The following SOX5 variants were observed in gnomAD, a reference collection of about 807,000 sequenced individuals.
The protein encoded by SOX5 is SRY-box transcription factor 5.
Under a neutral mutation model 92.0 loss-of-function variants are expected in SOX5, and 9 were observed. The observed-to-expected ratio is 0.10, with a 90% CI of 0.06 to 0.17. The LOEUF (loss-of-function observed/expected upper bound fraction) is 0.17, where lower values mean the gene tolerates loss of function less well. Among genes scored for constraint, SOX5 ranks in the 10% least tolerant of loss-of-function variants. The pLI, the probability that SOX5 is intolerant of heterozygous loss-of-function variation, is 1.00. For synonymous variants in SOX5, 344 were observed against 336.3 expected (o/e 1.02, Z -0.25); for missense variants, 642 against 944.5 (o/e 0.68, Z 4.20).
intron 2 of SOX5, among the ~76,000 whole-genome samples, chr12:23,886,505 G>A (rs2097067703): frequency 1.3e-5 from 2 of 151,942 alleles, no homozygotes; most frequent in Admixed American, 1.3e-4. Context: ...CTAGTTTCTA[G>A]AAATCAGGCA....
At chr12:23,884,900 T>A (rs2097046391) in intron 2 of SOX5, among the ~76,000 whole-genome samples, 1 of 152,234 alleles carries the variant, frequency 6.6e-6, no homozygotes, top group South Asian at 2.1e-4. Flanking sequence ...TATCTTATTC[T>A]GAGGAGCACT....
At chr12:24,093,397 C>G (rs1440259663) in intron 4 of SOX5, among the ~76,000 whole-genome samples, 5 of 151,962 alleles carry the variant, frequency 3.3e-5, no homozygotes, top group African/African-American at 1.2e-4. Flanking sequence ...GTGGCGGGCG[C>G]CTGTAGTCCC....
chr12:24,351,714 A>T (rs184115129), intron 2 of SOX5, among the ~76,000 whole-genome samples: 151 of 152,376 alleles, frequency 9.9e-4, no homozygotes, highest in Admixed American at 2.0e-3. Context: ...CCATTACATG[A>T]ATACAATGGA....
intron 8 of SOX5, among the ~76,000 whole-genome samples, chr12:23,620,866 T>C (rs1464658651): frequency 2.0e-5 from 3 of 152,128 alleles, no homozygotes; most frequent in African/African-American, 7.2e-5. Context: ...ATTTAATAAA[T>C]ATTTATTGGG....
intron 3 of SOX5, among the ~76,000 whole-genome samples, chr12:23,791,450 A>T (rs1352516492): frequency 1.3e-5 from 2 of 152,188 alleles, no homozygotes; most frequent in African/African-American, 4.8e-5. Context: ...AGCATGTGCC[A>T]CTGCACGGGC....
intron 3 of SOX5, among the ~76,000 whole-genome samples, chr12:24,226,613 C>A (rs988724711): frequency 2.0e-5 from 3 of 151,952 alleles, no homozygotes; most frequent in Non-Finnish European, 4.4e-5. Context: ...TGGGATTACA[C>A]GCACCCGCCA....
chr12:24,438,795 T>G (rs146920400), intron 1 of SOX5, among the ~76,000 whole-genome samples: 2 of 152,226 alleles, frequency 1.3e-5, no homozygotes, highest in Non-Finnish European at 2.9e-5. Flanking sequence ...GAGTTGCTTC[T>G]TATAGATGAA....
rs188098795 is a variant in SOX5 at position 24,286,119 on chromosome 12, A to T, written c.-173-8807T>A. On this transcript the variant is annotated intron_variant, in intron 2 of 4. Coordinates refer to the SOX5 transcript ENST00000446891. ...ACAGAAGAAAACATTTGCTTTAAGG[A>T]TAATTCACAAGACCTTGCAATGTTT... Among the ~76,000 whole-genome samples, 6 of 152,354 alleles carry T rather than the reference A, an allele frequency of 3.9e-5. No individual in the cohort carries two copies. The East Asian group carries it at 1.2e-3, about 29-fold the overall frequency.
chr12:24,479,541 T>C (rs1945745124), intron 1 of SOX5, among the ~76,000 whole-genome samples: 1 of 152,222 alleles, frequency 6.6e-6, no homozygotes, highest in African/African-American at 2.4e-5. Flanking sequence ...ATGTGGAATG[T>C]TTCTCCAAAT....
chr12:24,364,282 A>G (rs528484402), intron 2 of SOX5, among the ~76,000 whole-genome samples: 2 of 152,108 alleles, frequency 1.3e-5, no homozygotes, highest in African/African-American at 4.8e-5. Context: ...TGTTTTTACA[A>G]TTCACATCTG....
At chr12:23,695,940 C>CAA (rs71059917) in intron 6 of SOX5, among the ~76,000 whole-genome samples, 2,180 of 11,882 alleles carry the variant, frequency 0.18, 615 homozygotes, top group Non-Finnish European at 0.25. Flanking sequence ...GACTCTGTCT[C>CAA]AAAAAAAAAA....
rs61366137 is a variant in SOX5 at position 23,703,727 on chromosome 12, G to GACACACACACAC, written c.810+30945_810+30956dup. Among the ~76,000 whole-genome samples, 697 of 148,816 alleles carry GACACACACACAC rather than the reference G, an allele frequency of 4.7e-3. 1 individual carries two copies. The highest frequency in any genetic ancestry group is 6.4e-3 in the South Asian group (30 of 4,674). On this transcript the variant is annotated intron_variant, in intron 6 of 14. Coordinates refer to ENST00000451604, the MANE Select transcript of SOX5 (RefSeq NM_006940.6). ...AAAGCTTCCTCTTCATTTCTCAGGG[G>GACACACACACAC]ACACACACACACACACACACACACA...
intron 3 of SOX5, among the ~76,000 whole-genome samples, chr12:23,826,930 A>G (rs2096244159): frequency 6.6e-6 from 1 of 152,234 alleles, no homozygotes; most frequent in African/African-American, 2.4e-5. Context: ...CTATTAACAC[A>G]GTAAATACCA....
intron 4 of SOX5, among the ~76,000 whole-genome samples, chr12:24,184,004 A>G (rs925394244): frequency 3.9e-5 from 6 of 152,296 alleles, no homozygotes; most frequent in East Asian, 3.9e-4. Flanking sequence ...TACTAACAAT[A>G]TATAATTTCA....
At chr12:24,523,522 C>T (rs1044525127) in intron 1 of SOX5, among the ~76,000 whole-genome samples, 5 of 152,130 alleles carry the variant, frequency 3.3e-5, no homozygotes, top group African/African-American at 1.2e-4. Flanking sequence ...GAACAGTATG[C>T]TACTGGCATA....
intron 2 of SOX5, among the ~76,000 whole-genome samples, chr12:24,292,564 T>G (rs2140520730): frequency 6.6e-6 from 1 of 152,290 alleles, no homozygotes; most frequent in African/African-American, 2.4e-5. Flanking sequence ...ATACCCTATT[T>G]AAAGAAAGAC....
chr12:23,950,826 C>A (rs1487099979), upstream of SOX5: 4 of 1,523,874 alleles, frequency 2.6e-6, no homozygotes, highest in Non-Finnish European at 3.5e-6. Flanking sequence ...ACCTTTGACA[C>A]GAAATGACAG....
At chr12:24,093,836 C>T (rs143385336) in intron 4 of SOX5, among the ~76,000 whole-genome samples, 32 of 152,264 alleles carry the variant, frequency 2.1e-4, no homozygotes, top group African/African-American at 7.0e-4. Flanking sequence ...CCAGTTTCTA[C>T]TGCCACTAAA....
At position 23,530,079 on chromosome 12, in the gene SOX5, G is replaced by T. The variant is rs1213594406; in HGVS notation, c.*4140C>A. ...TACTTTAAAATTAAATACTGTAAAA[G>T]CCTGGCTAAACCAACAGCTATGCCC... On this transcript the variant is annotated 3_prime_UTR_variant, in exon 15 of 15. Coordinates refer to ENST00000451604, the MANE Select transcript of SOX5 (RefSeq NM_006940.6). 6.6e-6 allele frequency: 1 copy of T among 152,160 alleles called. No individual in the cohort carries two copies. Among genetic ancestry groups the T allele is most frequent in the African/African-American group, 2.4e-5 (1 of 41,424 alleles). The allele number at this position is 152,160 out of a possible 1,614,324, so 9.4% of individuals were successfully genotyped here.
Sources: allele counts gnomAD v4.1 joint callset (sites outside exome capture counted in the v4.1 genomes callset), GRCh38; gene constraint gnomAD v4.1.1; transcripts MANE v1.5; gene names NCBI Gene and HGNC (gene_info 2026-07-23, HGNC 2026-07-21).